Variants in FMN1 observed in about 807,000 individuals in gnomAD.
FMN1 encodes the protein formin 1.
Under a neutral mutation model 132.4 loss-of-function variants are expected in FMN1, and 110 were observed. The ratio of observed to expected loss-of-function variants is 0.83; its 90% confidence interval spans 0.71 to 0.97. The LOEUF is 0.97. Ranked by LOEUF, FMN1 falls within the 50% of genes least tolerant of loss-of-function variation. The pLI is 0.00. For missense variants in FMN1, 1,792 were observed against 1,705.3 expected (o/e 1.05, Z -0.90); for synonymous variants, 722 against 651.7 (o/e 1.11, Z -1.64).
chr15:32,941,298 A>T (rs916799678), intron 9 of FMN1, among the ~76,000 whole-genome samples: 2 of 152,168 alleles, frequency 1.3e-5, no homozygotes, highest in African/African-American at 4.8e-5. Context: ...TGCTTATCCA[A>T]TGTTACTCTG....
chr15:33,041,410 T>TG, intron 6 of FMN1, among the ~76,000 whole-genome samples: 1 of 137,366 alleles, frequency 7.3e-6, no homozygotes, highest in South Asian at 2.2e-4. Context: ...AAAAAAAGAC[T>TG]GGAAAAAAAT....
At chr15:33,044,428 G>A (rs2036582452) in intron 6 of FMN1, among the ~76,000 whole-genome samples, 1 of 152,164 alleles carries the variant, frequency 6.6e-6, no homozygotes, top group Admixed American at 6.5e-5. Context: ...GGACCAATCA[G>A]CATGTATTTC....
chr15:32,960,733 C>T (rs550056029), intron 9 of FMN1, among the ~76,000 whole-genome samples: 17 of 152,088 alleles, frequency 1.1e-4, no homozygotes, highest in African/African-American at 3.4e-4. Flanking sequence ...CGGTGGCTCA[C>T]GCCTGTAATC....
intron 4 of FMN1, among the ~76,000 whole-genome samples, chr15:33,107,206 G>A (rs1262622396): frequency 6.6e-6 from 1 of 151,914 alleles, no homozygotes; most frequent in Non-Finnish European, 1.5e-5. Flanking sequence ...CCACCAAACA[G>A]TATCCCAAAT....
At chr15:32,898,784 G>T in intron 15 of FMN1, 50 bp downstream of exon 15, 1 of 1,193,488 alleles carries the variant, frequency 8.4e-7, no homozygotes, top group Non-Finnish European at 1.2e-6. Context: ...ACTTATGAAT[G>T]TCAACAATGA....
intron 17 of FMN1, among the ~76,000 whole-genome samples, chr15:32,837,499 A>G (rs2058654605): frequency 6.6e-6 from 1 of 152,268 alleles, no homozygotes; most frequent in South Asian, 2.1e-4. Flanking sequence ...CAGCAACCCC[A>G]GTGATAAGGC....
chr15:32,978,554 G>C (rs1204772916), intron 7 of FMN1, among the ~76,000 whole-genome samples: 1 of 152,148 alleles, frequency 6.6e-6, no homozygotes, highest in Non-Finnish European at 1.5e-5. Context: ...TATTAAAAGA[G>C]AGAACTTGCA....
chr15:32,903,266 T>C (rs914278759), intron 12 of FMN1, among the ~76,000 whole-genome samples: 1 of 152,232 alleles, frequency 6.6e-6, no homozygotes, highest in African/African-American at 2.4e-5. Context: ...ATGAAAATTA[T>C]CTGATGAAGT....
At chr15:32,907,864 C>G (rs1238557505) in intron 12 of FMN1, among the ~76,000 whole-genome samples, 1 of 152,114 alleles carries the variant, frequency 6.6e-6, no homozygotes, top group Non-Finnish European at 1.5e-5. Flanking sequence ...GCCCCGGGAG[C>G]TTATCTATGG....
chr15:33,089,857 C>T (rs1434874927), intron 4 of FMN1, among the ~76,000 whole-genome samples: 5 of 152,166 alleles, frequency 3.3e-5, no homozygotes, highest in African/African-American at 7.2e-5. Context: ...AAGGATTTTA[C>T]GGTCAAGTAA....
intron 17 of FMN1, among the ~76,000 whole-genome samples, chr15:32,825,667 A>G (rs913225528): frequency 6.6e-6 from 1 of 152,220 alleles, no homozygotes; most frequent in Non-Finnish European, 1.5e-5. Flanking sequence ...ATGACTATAT[A>G]AACTATGCCT....
chr15:32,888,369 GAA>G, intron 15 of FMN1, 77 bp from the exon 16 acceptor site: 2 of 1,208,860 alleles, frequency 1.7e-6, no homozygotes, highest in Non-Finnish European at 2.2e-6. Flanking sequence ...GCATCAATGA[GAA>G]AAAAAAAAGC....
chr15:32,874,004 T>A (rs1377181141), intron 16 of FMN1, among the ~76,000 whole-genome samples: 1 of 150,398 alleles, frequency 6.6e-6, no homozygotes, highest in Non-Finnish European at 1.5e-5. Flanking sequence ...TGATTCACAA[T>A]TTTATTTTAG....
rs190469199 is a variant in FMN1, at chr15:32,969,646, G to T, written c.2224-169C>A. On this transcript the variant is annotated intron_variant, in intron 7 of 20. Coordinates refer to ENST00000616417, the MANE Select transcript of FMN1 (RefSeq NM_001277313.2). The stretch of plus-strand genomic sequence containing the variant: ...TCCATAAAGGTGTAAATTGCACTCT[G>T]AATTTTCCAGGGACCTAAACAGGCA... Among the ~76,000 whole-genome samples the T allele has an allele frequency of 1.1e-3, 172 of 152,288 alleles. 2 individuals carry two copies. The highest frequency in any genetic ancestry group is 4.1e-3 in the African/African-American group (169 of 41,560).
chr15:32,776,782 C>T (rs1295489166), intron 20 of FMN1, 53 bp downstream of exon 20: 9 of 1,087,636 alleles, frequency 8.3e-6, no homozygotes, highest in African/African-American at 3.1e-5. Flanking sequence ...CCTTCCTGGG[C>T]GCACCTCAAT....
chr15:32,799,810 TC>T (rs1445264844), intron 18 of FMN1, among the ~76,000 whole-genome samples: 2 of 152,116 alleles, frequency 1.3e-5, no homozygotes, highest in Admixed American at 6.5e-5. Flanking sequence ...ACTCAATCTT[TC>T]CCCCTCACCC....
chr15:32,968,829 CA>C lies in FMN1; in HGVS notation c.2871del (p.Gly958AspfsTer25). 1 of 1,594,544 alleles carries C rather than the reference CA, an allele frequency of 6.3e-7. No individual in the cohort carries two copies. The highest frequency in any genetic ancestry group is 8.5e-7 in the Non-Finnish European group (1 of 1,172,568). ...PPPGLAPPPP[P>X]GLFFGLGSSS... ...GAAGAGCCAAGTCCAAAGAAGAGTC[CA>C]GGGGGAGGTGGGGGTGCAAGTCCTG... On this transcript the variant is annotated frameshift_variant, in exon 8 of 21. Coordinates refer to ENST00000616417, the MANE Select transcript of FMN1 (RefSeq NM_001277313.2). LOFTEE classifies it high-confidence loss of function.
chr15:33,127,779 T>TA (rs1963240594), intron 4 of FMN1, among the ~76,000 whole-genome samples: 1 of 152,238 alleles, frequency 6.6e-6, no homozygotes, highest in Admixed American at 6.5e-5. Context: ...GCAGTGTCTG[T>TA]AGAGAACTAC....
chr15:32,877,509 T>C (rs796903511), intron 16 of FMN1, among the ~76,000 whole-genome samples: 3 of 152,328 alleles, frequency 2.0e-5, no homozygotes, highest in African/African-American at 7.2e-5. Context: ...TTCAATACAG[T>C]AACCCTTCAT....
Sources: gnomAD v4.1 joint callset for allele counts (sites outside exome capture counted in the v4.1 genomes callset) on GRCh38, gnomAD v4.1.1 for gene constraint, MANE v1.5 for transcripts, NCBI Gene and HGNC (gene_info 2026-07-23, HGNC 2026-07-21) for gene names.